Variants in ZNF385D observed in about 807,000 individuals in gnomAD.
ZNF385D encodes zinc finger protein 659.
In ZNF385D, 15 loss-of-function variants were observed where a neutral mutation model predicts 35.8. That is an observed-to-expected ratio of 0.42 (90% CI 0.28 to 0.64). ZNF385D has a LOEUF of 0.64. Ranked by LOEUF, ZNF385D falls within the 30% of genes least tolerant of loss-of-function variation. The probability of loss-of-function intolerance (pLI) is 0.23; values close to 1 mark genes in which losing one functional copy is unlikely to be tolerated. For synonymous variants in ZNF385D, 212 were observed against 186.8 expected (o/e 1.13, Z -1.10); for missense variants, 474 against 494.6 (o/e 0.96, Z 0.39).
At chr3:21,483,432 G>T (rs1026234868) in intron 4 of ZNF385D, among the ~76,000 whole-genome samples, 24 of 152,178 alleles carry the variant, frequency 1.6e-4, no homozygotes, top group Non-Finnish European at 3.1e-4. Flanking sequence ...TAACAGAACT[G>T]TTATAAATGT....
chr3:21,665,387 C>G (rs957063297), intron 1 of ZNF385D, among the ~76,000 whole-genome samples: 2 of 149,000 alleles, frequency 1.3e-5, no homozygotes, highest in African/African-American at 4.8e-5. Flanking sequence ...TGCACCCATC[C>G]CTCTTTGAAA....
chr3:21,694,401 G>T (rs535518618), intron 1 of ZNF385D, among the ~76,000 whole-genome samples: 1 of 152,066 alleles, frequency 6.6e-6, no homozygotes, highest in Admixed American at 6.5e-5. Flanking sequence ...CACAATTCTG[G>T]TACACACTCA....
intron 2 of ZNF385D, among the ~76,000 whole-genome samples, chr3:21,574,587 G>A (rs964570271): frequency 4.6e-5 from 7 of 151,658 alleles, no homozygotes; most frequent in South Asian, 4.2e-4. Context: ...TGTGTGCTTC[G>A]AAAAATCATT....
chr3:21,761,695 G>T (rs1246100935), intron 3 of ZNF385D, among the ~76,000 whole-genome samples: 1 of 152,074 alleles, frequency 6.6e-6, no homozygotes, highest in Non-Finnish European at 1.5e-5. Flanking sequence ...GGGGGTGTCT[G>T]TCACTTAGCT....
intron 3 of ZNF385D, among the ~76,000 whole-genome samples, chr3:21,826,944 G>C (rs1694682488): frequency 6.6e-6 from 1 of 152,120 alleles, no homozygotes; most frequent in Admixed American, 6.5e-5. Context: ...CCTGAGGACA[G>C]AGCTTGGTTC....
chr3:22,081,806 T>C (rs996543418), intron 3 of ZNF385D, among the ~76,000 whole-genome samples: 1 of 152,164 alleles, frequency 6.6e-6, no homozygotes, highest in African/African-American at 2.4e-5. Flanking sequence ...AAAGGTTGCT[T>C]ACCTCTACTT....
At chr3:21,914,583 T>C (rs1402135376) in intron 3 of ZNF385D, among the ~76,000 whole-genome samples, 1 of 152,034 alleles carries the variant, frequency 6.6e-6, no homozygotes, top group African/African-American at 2.4e-5. Context: ...ATTATTTAAA[T>C]TATGAACATT....
At position 22,336,944 on chromosome 3, in the gene ZNF385D, C is replaced by T. The variant is rs961592962; in HGVS notation, c.106+35506G>A. 2.5e-3 allele frequency among the ~76,000 whole-genome samples: 53 copies of T among 21,222 alleles called. 2 individuals are homozygous for T. In the South Asian group the frequency reaches 0.064, roughly 26 times the overall value. The allele number at this position is 21,222 out of a possible 152,430, so 13.9% of individuals were successfully genotyped here. A position where few individuals can be genotyped will look rare whatever the true frequency, so the allele number is the denominator to read the frequency against. On this transcript the variant is annotated intron_variant, in intron 2 of 5. Coordinates refer to the ZNF385D transcript ENST00000494108. Reference sequence around the variant, plus strand: ...AAAAAAAAAAAAAAAAAAACCCTTACTGTTAGTGAGGAGAGAATATTTTAT... The same window carrying T: ...AAAAAAAAAAAAAAAAAAACCCTTATTGTTAGTGAGGAGAGAATATTTTAT...
chr3:21,840,998 C>T (rs2670273), intron 3 of ZNF385D, among the ~76,000 whole-genome samples: 127,375 of 151,944 alleles, frequency 0.84, 53,802 homozygotes, highest in African/African-American at 0.94. Flanking sequence ...GCTTCCCTGA[C>T]AAACTGAGGC....
intron 2 of ZNF385D, among the ~76,000 whole-genome samples, chr3:22,370,438 G>A (rs967188954): frequency 6.6e-6 from 1 of 152,062 alleles, no homozygotes; most frequent in Non-Finnish European, 1.5e-5. Context: ...TTATATAAGT[G>A]CCACACAATT....
At chr3:21,712,725 A>G (rs1165936016) in intron 1 of ZNF385D, among the ~76,000 whole-genome samples, 4 of 152,162 alleles carry the variant, frequency 2.6e-5, no homozygotes, top group Non-Finnish European at 4.4e-5. Flanking sequence ...GGTTTTTACT[A>G]TTGTCTGAAT....
chr3:22,016,359 G>A (rs575100699), intron 3 of ZNF385D, among the ~76,000 whole-genome samples: 10 of 152,146 alleles, frequency 6.6e-5, no homozygotes, highest in East Asian at 1.9e-4. Flanking sequence ...CTGAGGCTGC[G>A]AAACCTTGAC....
intron 3 of ZNF385D, among the ~76,000 whole-genome samples, chr3:21,876,365 G>T (rs1009113146): frequency 6.6e-6 from 1 of 150,714 alleles, no homozygotes; most frequent in African/African-American, 2.4e-5. Flanking sequence ...AATCATTTTG[G>T]GATGATTTAG....
intron 1 of ZNF385D, among the ~76,000 whole-genome samples, chr3:21,697,278 T>C (rs1364892666): frequency 3.9e-5 from 6 of 152,188 alleles, no homozygotes; most frequent in Non-Finnish European, 2.9e-5. Context: ...GTGAATAACA[T>C]AGATTAATTT....
intron 3 of ZNF385D, among the ~76,000 whole-genome samples, chr3:22,153,308 G>A (rs1203716026): frequency 4.6e-5 from 7 of 151,952 alleles, no homozygotes; most frequent in Non-Finnish European, 8.8e-5. Context: ...TGGGCTGAGT[G>A]GTCTCACCAG....
chr3:22,092,039 G>A (rs1170050277), intron 3 of ZNF385D, among the ~76,000 whole-genome samples: 2 of 152,108 alleles, frequency 1.3e-5, no homozygotes, highest in Admixed American at 6.6e-5. Context: ...CTTATTAGGT[G>A]GAAATACAGA....
At chr3:21,510,436 A>G (rs1707115579) in intron 4 of ZNF385D, among the ~76,000 whole-genome samples, 1 of 152,236 alleles carries the variant, frequency 6.6e-6, no homozygotes, top group Admixed American at 6.5e-5. Context: ...GCTTTCTGTA[A>G]TAATGCCCTT....
intron 1 of ZNF385D, among the ~76,000 whole-genome samples, chr3:21,671,999 A>G (rs2066591108): frequency 6.6e-6 from 1 of 152,174 alleles, no homozygotes; most frequent in South Asian, 2.1e-4. Context: ...TGTTTGTCAC[A>G]TTCCCTTGCA....
intron 4 of ZNF385D, among the ~76,000 whole-genome samples, chr3:21,478,573 G>A (rs1704396136): frequency 6.6e-6 from 1 of 152,160 alleles, no homozygotes; most frequent in Non-Finnish European, 1.5e-5. Context: ...GAGATTGGGA[G>A]TCATCTATTA....
Sources: allele counts gnomAD v4.1 joint callset (sites outside exome capture counted in the v4.1 genomes callset), GRCh38; gene constraint gnomAD v4.1.1; transcripts MANE v1.5; gene names NCBI Gene and HGNC (gene_info 2026-07-23, HGNC 2026-07-21).